Variants in BICC1 observed in about 807,000 individuals in gnomAD.
BICC1 encodes protein bicaudal C homolog 1.
BICC1 carries 43 observed loss-of-function variants against 111.0 expected under a neutral mutation model. The ratio of observed to expected loss-of-function variants is 0.39; its 90% CI spans 0.30 to 0.50. The LOEUF (loss-of-function observed/expected upper bound fraction) is 0.50. Ranked by LOEUF, BICC1 falls within the 20% of genes least tolerant of loss-of-function variation. BICC1 has a pLI of 0.88. For synonymous variants in BICC1, 467 were observed against 434.4 expected, an observed-to-expected ratio of 1.07 and a Z score of -0.93; for missense variants, 1,091 against 1,203.2, an observed-to-expected ratio of 0.91 and a Z score of 1.38.
At chr10:58,791,646 A>C (rs1564615911) in intron 8 of BICC1, among the ~76,000 whole-genome samples, 1 of 152,106 alleles carries the variant, frequency 6.6e-6, no homozygotes, top group Non-Finnish European at 1.5e-5. Context: ...AGGCTGAGAC[A>C]GGAGAATTGC....
At chr10:58,604,953 G>A (rs1417608568) in intron 1 of BICC1, among the ~76,000 whole-genome samples, 1 of 152,092 alleles carries the variant, frequency 6.6e-6, no homozygotes, top group Non-Finnish European at 1.5e-5. Flanking sequence ...AAGGCAAGAG[G>A]CACCTATCTA....
intron 2 of BICC1, among the ~76,000 whole-genome samples, chr10:58,633,998 T>G (rs1353493686): frequency 1.4e-5 from 2 of 142,222 alleles, no homozygotes; most frequent in African/African-American, 5.2e-5. Flanking sequence ...TTCTTTTCTT[T>G]TTTTTTTTTT....
Position 58,807,175 on chromosome 10 carries a change from C to A in BICC1, c.2376+17C>A, listed in dbSNP as rs570196932. ...ACTTATGAGGTTTGTAGAGTCATGT[C>A]CTACTCATTCTTCCTGTCTGTTCTT... On this transcript the variant is annotated intron_variant, in intron 17 of 20. Transcript: ENST00000373886. 4.7e-5 allele frequency: 75 copies of A among 1,600,780 alleles called. 2 individuals carry two copies. In the South Asian group the frequency reaches 8.0e-4, roughly 17 times the overall value.
chr10:58,814,079 T>A, intron 18 of BICC1, 93 bp downstream of exon 18: 1 of 1,411,850 alleles, frequency 7.1e-7, no homozygotes. Flanking sequence ...CCTCTCTGAC[T>A]TCAAGTGCTT....
In BICC1 at chr10:58,702,124, C is replaced by G. The variant is rs541985017; in HGVS notation, c.288C>G (p.Ile96Met). 3 of 1,612,476 alleles carry G rather than the reference C, an allele frequency of 1.9e-6. No individual in the cohort carries two copies. The highest frequency in any genetic ancestry group is 2.5e-6 in the Non-Finnish European group (3 of 1,179,198). The change falls in exon 3 of 21, where the codon ATC becomes ATG. Residue 96 changes from isoleucine to methionine, a missense_variant. Ile to Met is a conservative substitution (Grantham distance 10). Coordinates refer to ENST00000373886, the MANE Select transcript of BICC1 (RefSeq NM_001080512.3). ...TTGCTTGGCCATCAAAACTGAAGAT[C>G]GGAGCCAAATCCAAGAAAGGTAAAT... is the stretch of plus-strand genomic sequence containing the variant. ...TQIAWPSKLKIGAKSKKDPHI... is the reference protein window; with the variant it reads ...TQIAWPSKLKMGAKSKKDPHI...
rs1441240977 is a variant in BICC1 at position 58,530,600 on chromosome 10, T to TGTAG, written c.190+17268_190+17271dup. Among the ~76,000 whole-genome samples the TGTAG allele has an allele frequency of 6.6e-5, 10 of 151,158 alleles. No homozygotes were observed. The East Asian group carries it at 1.8e-3, about 27-fold the overall frequency. ...TTGATACCTATGCCGAACTGTTTAC[T>TGTAG]GTAGCCTCGCTGGAATCAGAGATGA... On this transcript the variant is annotated intron_variant, in intron 1 of 20. Coordinates refer to ENST00000373886, the MANE Select transcript of BICC1 (RefSeq NM_001080512.3).
At chr10:58,593,525 C>T (rs909860828) in intron 1 of BICC1, among the ~76,000 whole-genome samples, 3 of 152,072 alleles carry the variant, frequency 2.0e-5, no homozygotes, top group South Asian at 2.1e-4. Context: ...CCCTCTGGGA[C>T]GAAGCTTCCA....
intron 1 of BICC1, among the ~76,000 whole-genome samples, chr10:58,553,815 G>A (rs1194617422): frequency 2.0e-5 from 3 of 151,528 alleles, no homozygotes; most frequent in Non-Finnish European, 4.4e-5. Context: ...TCATTTTCAA[G>A]GGTAGCTTTT....
At chr10:58,739,322 T>G (rs1465976261) in intron 3 of BICC1, among the ~76,000 whole-genome samples, 1 of 152,246 alleles carries the variant, frequency 6.6e-6, no homozygotes, top group Admixed American at 6.5e-5. Flanking sequence ...AGGCCTTTTC[T>G]GCGTCTATTG....
chr10:58,574,702 A>G (rs558415623), intron 1 of BICC1, among the ~76,000 whole-genome samples: 2 of 152,196 alleles, frequency 1.3e-5, no homozygotes, highest in East Asian at 3.8e-4. Context: ...GACAATTTTA[A>G]TAGATTTATT....
intron 20 of BICC1, among the ~76,000 whole-genome samples, chr10:58,825,235 G>C: frequency 6.6e-6 from 1 of 152,072 alleles, no homozygotes; most frequent in East Asian, 1.9e-4. Context: ...CAGAGCCATG[G>C]GGGCTGTGGC....
intron 2 of BICC1, among the ~76,000 whole-genome samples, chr10:58,676,158 A>G (rs1421905480): frequency 6.6e-6 from 1 of 151,888 alleles, no homozygotes; most frequent in East Asian, 1.9e-4. Context: ...GGGTGCCTAC[A>G]CCACCAGGGC....
intron 3 of BICC1, among the ~76,000 whole-genome samples, chr10:58,717,944 A>G (rs1372425461): frequency 6.6e-6 from 1 of 152,194 alleles, no homozygotes; most frequent in Non-Finnish European, 1.5e-5. Context: ...GAAAAAAAAA[A>G]CAACAACAAA....
chr10:58,748,603 G>T (rs1394497550), intron 3 of BICC1, among the ~76,000 whole-genome samples: 8 of 152,182 alleles, frequency 5.3e-5, no homozygotes, highest in Admixed American at 5.2e-4. Flanking sequence ...AAGAATATTT[G>T]ATTGGGAAAC....
intron 1 of BICC1, among the ~76,000 whole-genome samples, chr10:58,539,088 C>T (rs1272482144): frequency 6.6e-6 from 1 of 151,658 alleles, no homozygotes; most frequent in Non-Finnish European, 1.5e-5. Flanking sequence ...ATAAAAAAGA[C>T]ATATTTATCA....
At position 58,793,723 on chromosome 10, in the gene BICC1, A is replaced by T. The variant is rs1435699593; in HGVS notation, c.1179+108A>T. The T allele has an allele frequency of 7.2e-6, 9 of 1,249,878 alleles. No individual in the cohort carries two copies. In the South Asian group the frequency reaches 1.1e-4, roughly 16 times the overall value. The allele number at this position is 1,249,878 out of a possible 1,614,324, so 77.4% of individuals were successfully genotyped here. A position where few individuals can be genotyped will look rare whatever the true frequency, so the allele number is the denominator to read the frequency against. ...CATATACATGAAACTGTTACTCTAT[A>T]CAGGTTGAATATCCCCAATCCGGAA... is the stretch of plus-strand genomic sequence containing the variant. On this transcript the variant is annotated intron_variant, in intron 9 of 20. Coordinates refer to ENST00000373886, the MANE Select transcript of BICC1 (RefSeq NM_001080512.3).
At chr10:58,520,949 A>G (rs1041690631) in intron 1 of BICC1, among the ~76,000 whole-genome samples, 7 of 152,056 alleles carry the variant, frequency 4.6e-5, no homozygotes, top group African/African-American at 1.7e-4. Context: ...GGGGATGCAG[A>G]TGAAACCAAA....
chr10:58,786,185 G>A (rs1268639159), intron 4 of BICC1, among the ~76,000 whole-genome samples: 1 of 152,092 alleles, frequency 6.6e-6, no homozygotes, highest in Non-Finnish European at 1.5e-5. Flanking sequence ...TAAATGAGAA[G>A]GGATTTTATG....
At chr10:58,645,119 G>C (rs1838226955) in intron 2 of BICC1, among the ~76,000 whole-genome samples, 1 of 152,070 alleles carries the variant, frequency 6.6e-6, no homozygotes, top group African/African-American at 2.4e-5. Context: ...TTTTAAAGAG[G>C]GAAAAGGTGG....
Sources: allele counts gnomAD v4.1 joint callset (sites outside exome capture counted in the v4.1 genomes callset), GRCh38; gene constraint gnomAD v4.1.1; transcripts MANE v1.5; gene names NCBI Gene and HGNC (gene_info 2026-07-23, HGNC 2026-07-21).